ZNF609: variants seen among roughly 807,000 people sequenced by gnomAD.
The protein encoded by ZNF609 is zinc finger protein 609.
ZNF609 carries 11 observed loss-of-function variants against 109.5 expected under a neutral mutation model. That is an observed-to-expected ratio of 0.10 (90% confidence interval 0.06 to 0.17). ZNF609 has a LOEUF of 0.17. Among genes scored for constraint, ZNF609 ranks in the 10% least tolerant of loss-of-function variants. ZNF609 has a pLI of 1.00. For synonymous variants in ZNF609, 646 were observed against 662.0 expected (o/e 0.98, Z 0.37); for missense variants, 1,559 against 1,772.4 (o/e 0.88, Z 2.16).
At chr15:64,490,808 G>A (rs996110018) in intron 1 of ZNF609, among the ~76,000 whole-genome samples, 2 of 152,218 alleles carry the variant, frequency 1.3e-5, no homozygotes, top group Non-Finnish European at 2.9e-5. Flanking sequence ...CTTGAGCCCA[G>A]TTGAATTGCT....
chr15:64,526,941 G>A lies in ZNF609; in HGVS notation c.747+26775G>A, dbSNP rs142933957. ...GCTGGGATTACAGGCATAAAGCACC[G>A]TACCCAGCCCAATATGAGATTTTGA... On this transcript the variant is annotated intron_variant, in intron 2 of 9. Coordinates refer to ENST00000326648, the MANE Select transcript of ZNF609 (RefSeq NM_015042.2). Among the ~76,000 whole-genome samples, 137 of 152,082 alleles carry A rather than the reference G, an allele frequency of 9.0e-4. 1 individual carries two copies. The East Asian group carries it at 0.023, about 25-fold the overall frequency.
chr15:64,493,163 C>T (rs751272137), intron 1 of ZNF609, among the ~76,000 whole-genome samples: 7 of 151,530 alleles, frequency 4.6e-5, no homozygotes, highest in Non-Finnish European at 8.8e-5. Flanking sequence ...TTGAAGCCTT[C>T]TTGGATGGAT....
chr15:64,580,564 T>A (rs1018568794), intron 2 of ZNF609, among the ~76,000 whole-genome samples: 20 of 151,476 alleles, frequency 1.3e-4, no homozygotes, highest in African/African-American at 4.8e-4. Flanking sequence ...TTCTTTTTTT[T>A]TTTTGAGACA....
At chr15:64,529,786 A>G in intron 2 of ZNF609, 1 of 489,698 alleles carries the variant, frequency 2.0e-6, no homozygotes, top group Non-Finnish European at 3.9e-6. Flanking sequence ...GCTGGAGTGC[A>G]ATGGTGCAAC....
chr15:64,569,905 T>G (rs1824062485), intron 2 of ZNF609, among the ~76,000 whole-genome samples: 1 of 152,236 alleles, frequency 6.6e-6, no homozygotes, highest in Non-Finnish European at 1.5e-5. Context: ...GTTCTTGACT[T>G]TTCTTTTTCT....
intron 1 of ZNF609, among the ~76,000 whole-genome samples, chr15:64,475,002 C>A (rs1893146827): frequency 6.6e-6 from 1 of 151,652 alleles, no homozygotes; most frequent in South Asian, 2.1e-4. Flanking sequence ...CTATGTTTCC[C>A]TGGCTGGCCT....
At chr15:64,655,461 A>G (rs539500295) in intron 3 of ZNF609, among the ~76,000 whole-genome samples, 27 of 152,264 alleles carry the variant, frequency 1.8e-4, no homozygotes, top group South Asian at 6.2e-4. Flanking sequence ...AATGATATCT[A>G]TAACATAATA....
At chr15:64,520,655 C>T (rs1893878878) in intron 2 of ZNF609, among the ~76,000 whole-genome samples, 1 of 151,918 alleles carries the variant, frequency 6.6e-6, no homozygotes, top group Non-Finnish European at 1.5e-5. Context: ...CTGGTATTCT[C>T]CCCAAATCTC....
At chr15:64,592,914 A>G in intron 2 of ZNF609, 1 of 775,972 alleles carries the variant, frequency 1.3e-6, no homozygotes, top group Non-Finnish European at 2.1e-6. Flanking sequence ...CTCTTGTCTC[A>G]AAAAATTACA....
intron 1 of ZNF609, among the ~76,000 whole-genome samples, chr15:64,464,107 T>A (rs1892978839): frequency 6.6e-6 from 1 of 152,132 alleles, no homozygotes; most frequent in African/African-American, 2.4e-5. Context: ...TTGGACAGAT[T>A]AGTGCTTATT....
chr15:64,561,152 C>G (rs1209811123), intron 2 of ZNF609, among the ~76,000 whole-genome samples: 3 of 152,200 alleles, frequency 2.0e-5, no homozygotes, highest in African/African-American at 7.2e-5. Flanking sequence ...CCCCAGTACT[C>G]AGCTTATTCA....
intron 2 of ZNF609, among the ~76,000 whole-genome samples, chr15:64,551,545 G>T (rs187399389): frequency 2.8e-4 from 42 of 151,678 alleles, no homozygotes; most frequent in African/African-American, 8.5e-4. Flanking sequence ...CCAGCTACTC[G>T]GGAGGCTGAG....
intron 1 of ZNF609, among the ~76,000 whole-genome samples, chr15:64,464,006 C>T (rs945096806): frequency 2.0e-5 from 3 of 152,094 alleles, no homozygotes; most frequent in Admixed American, 2.0e-4. Flanking sequence ...TGATTGTGAC[C>T]ATCATTCAAA....
intron 1 of ZNF609, among the ~76,000 whole-genome samples, chr15:64,469,432 A>C (rs1893063234): frequency 6.9e-6 from 1 of 144,288 alleles, no homozygotes; most frequent in Non-Finnish European, 1.5e-5. Context: ...ATTTCCAAAA[A>C]AAAAAAAAAA....
At chr15:64,525,203 G>A (rs1310390966) in intron 2 of ZNF609, among the ~76,000 whole-genome samples, 5 of 152,024 alleles carry the variant, frequency 3.3e-5, no homozygotes, top group Non-Finnish European at 4.4e-5. Context: ...AGATTTTTAT[G>A]GTTATAGCTC....
In ZNF609 at chr15:64,577,049, A is replaced by AATATATATATAT. The variant is rs1567019110; in HGVS notation, c.748-45771_748-45770insTATATATATATA. ...ATATATATATGTATATATACACATA[A>AATATATATATAT]ATATATACATATATGTATATATACA... On this transcript the variant is annotated intron_variant, in intron 2 of 9. Coordinates refer to ENST00000326648, the MANE Select transcript of ZNF609 (RefSeq NM_015042.2). 1.8e-4 allele frequency among the ~76,000 whole-genome samples: 19 copies of AATATATATATAT among 105,102 alleles called. 3 individuals carry two copies. The highest frequency in any genetic ancestry group is 4.9e-4 in the South Asian group (2 of 4,108). The allele number at this position is 105,102 out of a possible 152,430, so 69.0% of individuals were successfully genotyped here. A position where few individuals can be genotyped will look rare whatever the true frequency, so the allele number is the denominator to read the frequency against.
intron 2 of ZNF609, among the ~76,000 whole-genome samples, chr15:64,506,282 C>A (rs1320955840): frequency 6.6e-6 from 1 of 151,364 alleles, no homozygotes; most frequent in East Asian, 2.0e-4. Context: ...ACCACCATGC[C>A]TGGCTAATTT....
upstream of ZNF609, among the ~76,000 whole-genome samples, chr15:64,460,016 C>T (rs892854731): frequency 6.6e-6 from 1 of 152,076 alleles, no homozygotes; most frequent in Non-Finnish European, 1.5e-5. Context: ...GAAATGGGTG[C>T]TTTGGGGAGA....
In ZNF609 at chr15:64,598,754, A is replaced by G. The variant is rs1357872936; in HGVS notation, c.748-24073A>G. The stretch of plus-strand genomic sequence containing the variant: ...CATCTTTGTGTGTGTATATATATAT[A>G]TATATATATATATATATATATATAT... On this transcript the variant is annotated intron_variant, in intron 2 of 9. Coordinates refer to ENST00000326648, the MANE Select transcript of ZNF609 (RefSeq NM_015042.2). 4.2e-3 allele frequency among the ~76,000 whole-genome samples: 496 copies of G among 117,278 alleles called. 3 individuals carry two copies. The highest frequency in any genetic ancestry group is 6.9e-3 in the Non-Finnish European group (369 of 53,558). The allele number at this position is 117,278 out of a possible 152,430, so 76.9% of individuals were successfully genotyped here.
Sources: allele counts gnomAD v4.1 joint callset (sites outside exome capture counted in the v4.1 genomes callset), GRCh38; gene constraint gnomAD v4.1.1; transcripts MANE v1.5; gene names NCBI Gene and HGNC (gene_info 2026-07-23, HGNC 2026-07-21).